GTF2A2: variants seen among roughly 807,000 people sequenced by gnomAD.
GTF2A2 encodes general transcription factor IIA subunit 2, also known as transcription initiation factor IIA subunit 2.
A neutral mutation model predicts 14.3 loss-of-function variants in GTF2A2; 9 were observed. The observed-to-expected ratio is 0.63, with a 90% confidence interval of 0.38 to 1.10. The LOEUF is 1.10. GTF2A2 is among the 50% of genes least tolerant of loss of function. The pLI, the probability that GTF2A2 is intolerant of heterozygous loss-of-function variation, is 0.01. For missense variants in GTF2A2, 90 were observed against 124.6 expected (o/e 0.72, Z 1.32); for synonymous variants, 56 against 46.0 (o/e 1.22, Z -0.88).
intron 4 of GTF2A2, among the ~76,000 whole-genome samples, chr15:59,640,489 G>T (rs562034510): frequency 3.3e-5 from 5 of 152,304 alleles, no homozygotes; most frequent in African/African-American, 1.2e-4. Flanking sequence ...CCACTGGCTA[G>T]CCATATGTGG....
chr15:59,653,333 G>A (rs1040012172), intron 1 of GTF2A2, among the ~76,000 whole-genome samples: 3 of 152,124 alleles, frequency 2.0e-5, no homozygotes, highest in Admixed American at 6.6e-5. Flanking sequence ...GAGATGGATG[G>A]GGGAAAATAC....
chr15:59,642,353 A>G, intron 3 of GTF2A2, 91 bp from the exon 4 acceptor site: 1 of 1,139,512 alleles, frequency 8.8e-7, no homozygotes, highest in Non-Finnish European at 1.2e-6. Flanking sequence ...GCTACCAAGA[A>G]CATAATAAGT....
At chr15:59,656,070 T>C (rs1301484374) in intron 1 of GTF2A2, among the ~76,000 whole-genome samples, 1 of 152,084 alleles carries the variant, frequency 6.6e-6, no homozygotes, top group African/African-American at 2.4e-5. Flanking sequence ...AGTTACAACA[T>C]ACCTCTCCTC....
At chr15:59,642,094 A>G (rs1397904333) in intron 4 of GTF2A2, 42 bp downstream of exon 4, 1 of 1,551,300 alleles carries the variant, frequency 6.4e-7, no homozygotes, top group Middle Eastern at 1.8e-4. Flanking sequence ...TCATAAAAAC[A>G]AGGTTTCAAG....
chr15:59,654,081 C>G (rs914271462), intron 1 of GTF2A2, among the ~76,000 whole-genome samples: 7 of 152,272 alleles, frequency 4.6e-5, no homozygotes, highest in Middle Eastern at 3.4e-3. Flanking sequence ...CCTATCCCAA[C>G]CCCACCCTCA....
intron 1 of GTF2A2, among the ~76,000 whole-genome samples, chr15:59,654,225 C>T (rs1322968397): frequency 1.3e-5 from 2 of 152,138 alleles, no homozygotes; most frequent in African/African-American, 2.4e-5. Context: ...ATTTGGGCCC[C>T]CCAGTGCCTA....
chr15:59,649,912 TG>T, intron 3 of GTF2A2, among the ~76,000 whole-genome samples: 1 of 152,234 alleles, frequency 6.6e-6, no homozygotes, highest in East Asian at 1.9e-4. Context: ...AAATTTTGGT[TG>T]TAACCATATT....
rs1358319610 is a variant in GTF2A2 at position 59,647,017 on chromosome 15, TATA to T, written c.177+3649_177+3651del. On this transcript the variant is annotated intron_variant, in intron 3 of 4. Transcript: ENST00000396060. Reference sequence around the variant, plus strand: ...GTATATACTATATATACATATACTCTATAATTATATAATTACAAACATAATATA... The same window carrying T: ...GTATATACTATATATACATATACTCTATTATATAATTACAAACATAATATA... Among the ~76,000 whole-genome samples the T allele has an allele frequency of 8.0e-5, 12 of 150,778 alleles. No individual in the cohort carries two copies. In the South Asian group the frequency reaches 2.1e-3, roughly 26 times the overall value.
At chr15:59,655,346 C>G (rs1436357674) in intron 1 of GTF2A2, among the ~76,000 whole-genome samples, 1 of 152,154 alleles carries the variant, frequency 6.6e-6, no homozygotes, top group African/African-American at 2.4e-5. Flanking sequence ...CCTATTTTCT[C>G]TTAAGCTAAT....
intron 3 of GTF2A2, among the ~76,000 whole-genome samples, chr15:59,648,244 C>T (rs566515310): frequency 6.6e-6 from 1 of 151,644 alleles, no homozygotes; most frequent in Admixed American, 6.6e-5. Flanking sequence ...CCATCTCTTA[C>T]TAAAAATACA....
intron 3 of GTF2A2, among the ~76,000 whole-genome samples, chr15:59,648,721 T>A (rs1361756821): frequency 6.6e-6 from 1 of 151,864 alleles, no homozygotes; most frequent in African/African-American, 2.4e-5. Flanking sequence ...GATCACGAGG[T>A]CAGGAGATAG....
intron 4 of GTF2A2, among the ~76,000 whole-genome samples, chr15:59,640,979 C>T (rs1891400866): frequency 1.3e-5 from 2 of 152,142 alleles, no homozygotes; most frequent in African/African-American, 4.8e-5. Flanking sequence ...CCAACAATAA[C>T]GCTGCTAGGT....
rs1415828321 is a variant in GTF2A2, at chr15:59,657,465, G to A, written c.-109C>T. 1.3e-5 allele frequency: 2 copies of A among 152,622 alleles called. No individual in the cohort carries two copies. Among genetic ancestry groups the A allele is most frequent in the Non-Finnish European group, 2.9e-5 (2 of 68,364 alleles). 9.5% of individuals were successfully genotyped at this position (152,622 alleles called of 1,614,324 possible). A position where few individuals can be genotyped will look rare whatever the true frequency, so the allele number is the denominator to read the frequency against. On this transcript the variant is annotated 5_prime_UTR_variant, in exon 1 of 5. Transcript: ENST00000396060. ...AGAAGCCGCCACGAGCCCGGCAGGA[G>A]GTTCCTACTTCTCCGACCACCTCTC...
At chr15:59,648,401 C>CAAAAAAAAAAAAAAAAAAAAGAAAAAAA (rs71425875) in intron 3 of GTF2A2, among the ~76,000 whole-genome samples, 1 of 90,570 alleles carries the variant, frequency 1.1e-5, no homozygotes, top group African/African-American at 4.6e-5. Context: ...GACTTCGTCT[C>CAAAAAAAAAAAAAAAAAAAAGAAAAAAA]AAAAAAAAAA....
intron 1 of GTF2A2, chr15:59,656,820 T>G (rs1891958576): frequency 6.6e-6 from 1 of 152,244 alleles, no homozygotes; most frequent in Non-Finnish European, 1.5e-5. Context: ...CTTACATTCT[T>G]TAAAAATTCC....
chr15:59,654,740 C>T (rs1429813002), intron 1 of GTF2A2, among the ~76,000 whole-genome samples: 1 of 152,200 alleles, frequency 6.6e-6, no homozygotes, highest in African/African-American at 2.4e-5. Flanking sequence ...GAGGAAACTG[C>T]AGCAATAACT....
At chr15:59,647,457 A>G (rs752446077) in intron 3 of GTF2A2, among the ~76,000 whole-genome samples, 12 of 152,204 alleles carry the variant, frequency 7.9e-5, no homozygotes, top group African/African-American at 1.9e-4. Context: ...AGTTTCTTCT[A>G]TAAGATATTT....
intron 3 of GTF2A2, among the ~76,000 whole-genome samples, chr15:59,645,437 C>T (rs549826120): frequency 6.6e-6 from 1 of 152,220 alleles, no homozygotes; most frequent in East Asian, 1.9e-4. Flanking sequence ...GAAAAGCTCA[C>T]ACAGTATGGT....
chr15:59,642,017 C>G (rs567495455), intron 4 of GTF2A2, 119 bp downstream of exon 4: 1 of 770,800 alleles, frequency 1.3e-6, no homozygotes, highest in South Asian at 2.0e-5. Context: ...CTGGGCTTAT[C>G]TGGGAATTGA....
Sources: gnomAD v4.1 joint callset for allele counts (sites outside exome capture counted in the v4.1 genomes callset) on GRCh38, gnomAD v4.1.1 for gene constraint, MANE v1.5 for transcripts, NCBI Gene and HGNC (gene_info 2026-07-23, HGNC 2026-07-21) for gene names.